FGFR1OP2: variants seen among roughly 807,000 people sequenced by gnomAD.
The protein encoded by FGFR1OP2 is FGFR1 oncogene partner 2.
In FGFR1OP2, 17 loss-of-function variants were observed where a neutral mutation model predicts 35.2. That is an observed-to-expected ratio of 0.48 (90% CI 0.33 to 0.73). FGFR1OP2 has a LOEUF of 0.73. Among genes scored for constraint, FGFR1OP2 ranks in the 30% least tolerant of loss-of-function variants. The pLI is 0.02. For synonymous variants in FGFR1OP2, 105 were observed against 104.6 expected (o/e 1.00, Z -0.03); for missense variants, 251 against 307.3 (o/e 0.82, Z 1.37).
intron 5 of FGFR1OP2, 41 bp downstream of exon 5, chr12:26,960,669 A>AG (rs764522185): frequency 1.9e-6 from 3 of 1,570,980 alleles, no homozygotes; most frequent in Non-Finnish European, 2.6e-6. Flanking sequence ...TGTGGATGGA[A>AG]GGGGGGTCCA....
intron 1 of FGFR1OP2, among the ~76,000 whole-genome samples, chr12:26,943,470 TA>T (rs58116369): frequency 0.74 from 112,617 of 152,064 alleles, 42,085 homozygotes; most frequent in East Asian, 0.94. Context: ...TCAATTTCTC[TA>T]AAAAAATCTT....
At chr12:26,952,411 C>G (rs993206357) in intron 1 of FGFR1OP2, among the ~76,000 whole-genome samples, 5 of 152,038 alleles carry the variant, frequency 3.3e-5, no homozygotes, top group Non-Finnish European at 5.9e-5. Flanking sequence ...CCCTTTTACT[C>G]CTCATATTTT....
At chr12:26,951,448 T>G (rs1938927420) in intron 1 of FGFR1OP2, among the ~76,000 whole-genome samples, 1 of 152,184 alleles carries the variant, frequency 6.6e-6, no homozygotes, top group African/African-American at 2.4e-5. Context: ...GCTTCCTGAG[T>G]AGCTGGTATC....
intron 1 of FGFR1OP2, among the ~76,000 whole-genome samples, chr12:26,946,298 A>G (rs1300407567): frequency 1.3e-5 from 2 of 152,044 alleles, no homozygotes; most frequent in East Asian, 3.9e-4. Context: ...TTTTCTCTGA[A>G]GTTTACTTTG....
At chr12:26,963,191 A>G in intron 5 of FGFR1OP2, 151 bp from the exon 6 acceptor site, 1 of 483,722 alleles carries the variant, frequency 2.1e-6, no homozygotes, top group Non-Finnish European at 3.7e-6. Flanking sequence ...TCTGTGGTCA[A>G]CCAACTTCAT....
At chr12:26,959,989 T>C (rs1939080240) in intron 4 of FGFR1OP2, among the ~76,000 whole-genome samples, 1 of 151,942 alleles carries the variant, frequency 6.6e-6, no homozygotes, top group South Asian at 2.1e-4. Flanking sequence ...TTAACTGTCA[T>C]AAGGAAAATC....
chr12:26,946,306 TTGTC>T (rs746525960), intron 1 of FGFR1OP2, among the ~76,000 whole-genome samples: 1 of 152,168 alleles, frequency 6.6e-6, no homozygotes, highest in African/African-American at 2.4e-5. Flanking sequence ...GAAGTTTACT[TTGTC>T]TGATATTTAT....
At chr12:26,951,373 G>A (rs923258424) in intron 1 of FGFR1OP2, among the ~76,000 whole-genome samples, 1 of 152,110 alleles carries the variant, frequency 6.6e-6, no homozygotes, top group Non-Finnish European at 1.5e-5. Flanking sequence ...AGGCTGTAGT[G>A]CAGTGGTGCA....
chr12:26,945,950 C>T (rs911610913), intron 1 of FGFR1OP2, among the ~76,000 whole-genome samples: 4 of 151,532 alleles, frequency 2.6e-5, no homozygotes, highest in Non-Finnish European at 5.9e-5. Flanking sequence ...TGTGATCTAT[C>T]CTCATGAATA....
Position 26,960,620 on chromosome 12 carries a change from A to G in FGFR1OP2, c.502A>G (p.Asn168Asp), listed in dbSNP as rs1200263097. The G allele has an allele frequency of 6.2e-7, 1 of 1,612,676 alleles. No individual in the cohort carries two copies. The highest frequency in any genetic ancestry group is 1.3e-5 in the African/African-American group (1 of 74,888). The change falls in exon 5 of 7, where the codon AAT becomes GAT. Residue 168 changes from asparagine to aspartate, a missense_variant. Transcript: ENST00000229395. ...ACTGGAGAGAAGGCACTTGGAAGCAAATCAGAATGTACACTAAATAAACAG... is the reference window on the plus strand; with the variant it reads ...ACTGGAGAGAAGGCACTTGGAAGCAGATCAGAATGTACACTAAATAAACAG... ...HGLERRHLEA[N>D]QNELQAHVDQ...
chr12:26,948,505 T>C (rs2136351052), intron 1 of FGFR1OP2, among the ~76,000 whole-genome samples: 1 of 152,356 alleles, frequency 6.6e-6, no homozygotes, highest in African/African-American at 2.4e-5. Context: ...TTGGGAAGCC[T>C]ACAGTCATTC....
At chr12:26,957,880 A>G (rs1046876949) in intron 4 of FGFR1OP2, 137 bp downstream of exon 4, 2 of 638,920 alleles carry the variant, frequency 3.1e-6, no homozygotes, top group Non-Finnish European at 4.7e-6. Context: ...CATCTTTTTA[A>G]TTGACATTTT....
chr12:26,963,570 C>T, intron 6 of FGFR1OP2, 115 bp downstream of exon 6: 1 of 644,090 alleles, frequency 1.6e-6, no homozygotes, highest in Non-Finnish European at 2.6e-6. Flanking sequence ...TAATGTTCTC[C>T]TGGATGCTGT....
At chr12:26,958,793 T>C (rs1211054730) in intron 4 of FGFR1OP2, among the ~76,000 whole-genome samples, 1 of 152,238 alleles carries the variant, frequency 6.6e-6, no homozygotes, top group African/African-American at 2.4e-5. Context: ...TTCTCACATA[T>C]TTATTTTAAA....
intron 4 of FGFR1OP2, 148 bp downstream of exon 4, chr12:26,957,891 C>A: frequency 3.4e-6 from 2 of 580,742 alleles, no homozygotes; most frequent in South Asian, 8.2e-5. Flanking sequence ...TTGACATTTT[C>A]TCCTTTTTCT....
intron 2 of FGFR1OP2, among the ~76,000 whole-genome samples, chr12:26,955,891 G>A (rs1939010259): frequency 6.6e-6 from 1 of 152,168 alleles, no homozygotes; most frequent in African/African-American, 2.4e-5. Context: ...TTGAGGATCT[G>A]CCACATTGTT....
chr12:26,955,030 T>C (rs1190215303), intron 2 of FGFR1OP2, among the ~76,000 whole-genome samples: 1 of 152,208 alleles, frequency 6.6e-6, no homozygotes, highest in Admixed American at 6.5e-5. Context: ...TTAACAAAGC[T>C]ACTGGAAATA....
intron 1 of FGFR1OP2, among the ~76,000 whole-genome samples, chr12:26,948,998 G>A (rs574146687): frequency 4.6e-5 from 7 of 152,022 alleles, no homozygotes; most frequent in African/African-American, 9.6e-5. Context: ...GCAAGACCTC[G>A]CCTCTAAAAA....
chr12:26,943,161 A>ATAGAT (rs1938763659), intron 1 of FGFR1OP2, among the ~76,000 whole-genome samples: 1 of 152,212 alleles, frequency 6.6e-6, no homozygotes, highest in Non-Finnish European at 1.5e-5. Context: ...CTTTTGGCAT[A>ATAGAT]TAGATGTCCA....
Sources: allele counts gnomAD v4.1 joint callset (sites outside exome capture counted in the v4.1 genomes callset), GRCh38; gene constraint gnomAD v4.1.1; transcripts MANE v1.5; gene names NCBI Gene and HGNC (gene_info 2026-07-23, HGNC 2026-07-21).